Variants in CHTF18 observed in about 807,000 individuals in gnomAD.
CHTF18 encodes chromosome transmission fidelity protein 18 homolog.
A neutral mutation model predicts 113.4 loss-of-function variants in CHTF18; 151 were observed. The ratio of observed to expected loss-of-function variants is 1.33; its 90% CI spans 1.17 to 1.52. The LOEUF is 1.52. Among genes scored for constraint, CHTF18 ranks in the 40% most tolerant of loss-of-function variants. CHTF18 has a pLI of 0.00. For synonymous variants in CHTF18, 916 were observed against 598.8 expected (o/e 1.53, Z -7.74); for missense variants, 1,982 against 1,381.6 (o/e 1.43, Z -6.89).
chr16:793,566 G>C, intron 14 of CHTF18: 2 of 566,016 alleles, frequency 3.5e-6, no homozygotes, highest in South Asian at 2.0e-5. Flanking sequence ...CTCAGCTGCT[G>C]TCCCAGTTGC....
chr16:795,352 A>G lies in CHTF18; in HGVS notation c.2171A>G (p.Gln724Arg). Residue 724 changes from glutamine to arginine, a missense_variant, in exon 16 of 22, where the codon CAG becomes CGG. Transcript: ENST00000262315. ...TPRITFPSSQ[Q>R]EAQNRMSQMR... ...AGGATCACCTTCCCCAGCAGCCAGCAGGAGGTGTGCTCGTCCCTGCACCAC... is the reference window on the plus strand; with the variant it reads ...AGGATCACCTTCCCCAGCAGCCAGCGGGAGGTGTGCTCGTCCCTGCACCAC... 1.3e-6 allele frequency: 2 copies of G among 1,544,744 alleles called. No homozygotes were observed. The highest frequency in any genetic ancestry group is 1.4e-5 in the African/African-American group (1 of 72,032).
In CHTF18 at chr16:789,907, C is replaced by G. The variant is rs187315598; in HGVS notation, c.606+192C>G. The G allele has an allele frequency of 4.8e-5, 69 of 1,437,434 alleles. No homozygotes were observed. The South Asian group carries it at 8.6e-4, about 18-fold the overall frequency. 89.0% of individuals were successfully genotyped at this position (1,437,434 alleles called of 1,614,324 possible). Reference sequence around the variant, plus strand: ...TCCCCACAGCAGGTTGCTGTCCAGCCTGTTTGTATGGCCTCGGGTGGAGAG... The same window carrying G: ...TCCCCACAGCAGGTTGCTGTCCAGCGTGTTTGTATGGCCTCGGGTGGAGAG... On this transcript the variant is annotated intron_variant, in intron 4 of 21. Coordinates refer to ENST00000262315, the MANE Select transcript of CHTF18 (RefSeq NM_022092.3).
chr16:796,146 C>T lies in CHTF18; in HGVS notation c.2456+69C>T, dbSNP rs1484516121. 2.4e-5 allele frequency: 37 copies of T among 1,540,316 alleles called. No homozygotes were observed. The South Asian group carries it at 2.9e-4, about 12-fold the overall frequency. ...CCGGCTGTGCTCCATGTTCAGGGCC[C>T]GCATGGGGCCAGGAGTCTGAAAGCA... On this transcript the variant is annotated intron_variant, in intron 18 of 21. Coordinates refer to ENST00000262315, the MANE Select transcript of CHTF18 (RefSeq NM_022092.3).
At chr16:796,338 G>A (rs774941215) in intron 18 of CHTF18, among the ~76,000 whole-genome samples, 15 of 152,226 alleles carry the variant, frequency 9.9e-5, no homozygotes, top group Non-Finnish European at 1.6e-4. Flanking sequence ...CGGGGGCCCC[G>A]AGAGTGACTG....
At position 792,151 on chromosome 16, in the gene CHTF18, C is replaced by T. The variant is rs2042214122; in HGVS notation, c.1203-73C>T. On this transcript the variant is annotated intron_variant, in intron 9 of 21. Transcript: ENST00000262315. ...TGTGACGGTCTCCACGCAAATGCGG[C>T]AGCCCCGGCCTTGGGAGGCTGCCCT... 7 of 1,525,190 alleles carry T rather than the reference C, an allele frequency of 4.6e-6. No individual in the cohort carries two copies. The South Asian group carries it at 8.6e-5, about 19-fold the overall frequency. 94.5% of individuals were successfully genotyped at this position (1,525,190 alleles called of 1,614,324 possible). A position where few individuals can be genotyped will look rare whatever the true frequency, so the allele number is the denominator to read the frequency against.
intron 20 of CHTF18, 80 bp downstream of exon 20, chr16:797,172 C>T (rs531316216): frequency 2.8e-4 from 397 of 1,420,702 alleles, no homozygotes; most frequent in Non-Finnish European, 3.5e-4. Context: ...GAGGCGGGGC[C>T]AAGGCACCCA....
In CHTF18 at chr16:790,536, G is replaced by T; in HGVS notation, c.764G>T (p.Gly255Val). The T allele has an allele frequency of 6.3e-7, 1 of 1,599,498 alleles. No individual in the cohort carries two copies. The change falls in exon 7 of 22, where the codon GGG becomes GTG. Residue 255 changes from glycine to valine, a missense_variant. Coordinates refer to ENST00000262315, the MANE Select transcript of CHTF18 (RefSeq NM_022092.3). The stretch of plus-strand genomic sequence containing the variant: ...GTGGTCCTCTCCAGTCTCAGGTCGG[G>T]GGAGGAGGAGGCAGCCCAGCCCTTG... ...LSDTLHSLRS[G>V]EEEAAQPLGA...
At chr16:791,588 C>T in intron 8 of CHTF18, 2 of 1,432,086 alleles carry the variant, frequency 1.4e-6, no homozygotes, top group Non-Finnish European at 1.8e-6. Flanking sequence ...CCAGGATGAT[C>T]TGGGTGGACG....
Position 797,747 on chromosome 16 carries a change from T to G in CHTF18, c.2787T>G (p.Ser929Arg). Residue 929 changes from serine (S) to arginine (R), a missense_variant, in exon 21 of 22, where the codon AGT (serine) becomes AGG (arginine). By Grantham distance (110) the Ser-to-Arg change is moderately radical. Coordinates refer to ENST00000262315, the MANE Select transcript of CHTF18 (RefSeq NM_022092.3). ...RVVVRSTAVP[S>R]AGDTAPEQDS... ...TCGTCAGGAGCACAGCAGTCCCGAG[T>G]GCAGGTGTGTGTGGGGGTGTTGTGG... 1 of 1,540,848 alleles carries G rather than the reference T, an allele frequency of 6.5e-7. No individual in the cohort carries two copies. Among genetic ancestry groups the G allele is most frequent in the Admixed American group, 1.9e-5 (1 of 52,074 alleles).
In CHTF18 at chr16:792,996, C is replaced by T; in HGVS notation, c.1603C>T (p.Pro535Ser). 2 of 1,558,510 alleles carry T rather than the reference C, an allele frequency of 1.3e-6. No homozygotes were observed. Among genetic ancestry groups the T allele is most frequent in the Non-Finnish European group, 8.7e-7 (1 of 1,151,598 alleles). The stretch of plus-strand genomic sequence containing the variant: ...CCTGCGGCAGGGCATGAGGGCCGAC[C>T]CAGGGGTGCTGGCCGCCCTCTGTGA... Reference protein sequence around the residue: ...VSLRQGMRADPGVLAALCEKT... With the variant: ...VSLRQGMRADSGVLAALCEKT... Residue 535 changes from proline to serine, a missense_variant, in exon 13 of 22, where the codon CCA becomes TCA. Coordinates refer to ENST00000262315, the MANE Select transcript of CHTF18 (RefSeq NM_022092.3).
At chr16:792,416 C>T (rs768192339) in intron 10 of CHTF18, 23 bp from the exon 11 acceptor site, 16 of 1,560,088 alleles carry the variant, frequency 1.0e-5, no homozygotes, top group South Asian at 4.7e-5. Context: ...CTGGACTCAC[C>T]GTGTCCTCTG....
rs563920295 is a variant in CHTF18, at chr16:788,659, A to T, written c.-26A>T. On this transcript the variant is annotated 5_prime_UTR_variant, in exon 1 of 22. Coordinates refer to ENST00000262315, the MANE Select transcript of CHTF18 (RefSeq NM_022092.3). ...GGCGGCGGCGGCGCGGGAGGTTCGGAGCGGGAGCTCGGGCTCGCGGACGGT... is the reference window on the plus strand; with the variant it reads ...GGCGGCGGCGGCGCGGGAGGTTCGGTGCGGGAGCTCGGGCTCGCGGACGGT... 1 of 1,503,302 alleles carries T rather than the reference A, an allele frequency of 6.7e-7. No homozygotes were observed. The highest frequency in any genetic ancestry group is 2.2e-5 in the Admixed American group (1 of 44,578). The allele number at this position is 1,503,302 out of a possible 1,614,324, so 93.1% of individuals were successfully genotyped here.
At position 788,958 on chromosome 16, in the gene CHTF18, TC is replaced by T; in HGVS notation, c.124del (p.Leu42CysfsTer69). 1.9e-6 allele frequency: 3 copies of T among 1,563,900 alleles called. No homozygotes were observed. Among genetic ancestry groups the T allele is most frequent in the Non-Finnish European group, 8.6e-7 (1 of 1,163,132 alleles). ...EGASTPSPSG[V>X]PLFTAGRPPR... ...GCGTCGACTCCGTCGCCCTCCGGGGTCCCCCTGTTCACCGCGGGCCGACCCC... is the reference window on the plus strand; with the variant it reads ...GCGTCGACTCCGTCGCCCTCCGGGGTCCCCTGTTCACCGCGGGCCGACCCC... On this transcript the variant is annotated frameshift_variant, in exon 2 of 22. Transcript: ENST00000262315. LOFTEE classifies it high-confidence loss of function.
chr16:795,319 A>C lies in CHTF18; in HGVS notation c.2138A>C (p.His713Pro). Residue 713 changes from histidine (H) to proline (P), a missense_variant, in exon 16 of 22, where the codon CAC (histidine) becomes CCC (proline). By Grantham distance (77) the His-to-Pro change is moderately conservative. Transcript: ENST00000262315. ...VAFHVLFASS[H>P]TPRITFPSSQ... is the part of the protein sequence containing the mutation. ...TTCCATGTGCTGTTTGCTTCCAGCC[A>C]CACACCCAGGATCACCTTCCCCAGC... The C allele has an allele frequency of 6.5e-7, 1 of 1,547,100 alleles. No homozygotes were observed. Among genetic ancestry groups the C allele is most frequent in the East Asian group, 2.5e-5 (1 of 40,776 alleles).
In CHTF18 at chr16:790,634, C is replaced by G. The variant is rs951430512; in HGVS notation, c.862C>G (p.Pro288Ala). The G allele has an allele frequency of 2.5e-6, 4 of 1,594,986 alleles. No homozygotes were observed. The Admixed American group carries it at 6.9e-5, about 28-fold the overall frequency. ...SHCLWVDEFA[P>A]RHYTELLSDD... ...CTGCCTCTGGGTGGATGAGTTTGCA[C>G]CCCGCCACTACACGGAGCTGCTCAG... Residue 288 changes from proline (P) to alanine (A), a missense_variant, in exon 7 of 22, where the codon CCC becomes GCC. Pro to Ala is a conservative substitution (Grantham distance 27, BLOSUM62 -1). Transcript: ENST00000262315.
intron 2 of CHTF18, 38 bp from the exon 3 acceptor site, chr16:789,172 T>A: frequency 1.3e-6 from 2 of 1,550,036 alleles, no homozygotes; most frequent in Non-Finnish European, 1.7e-6. Context: ...GGCGCGAGGC[T>A]GAGGAGGCCT....
rs777061042 is a variant in CHTF18 at position 791,112 on chromosome 16, C to G, written c.895-49C>G. 9 of 1,565,476 alleles carry G rather than the reference C, an allele frequency of 5.7e-6. No homozygotes were observed. In the Admixed American group the frequency reaches 1.5e-4, roughly 26 times the overall value. ...ATGGTGGCAGGTGGACTGTCCGTGCCTGGAGGCGGTGCCCTCAGGCTGTGC... is the reference window on the plus strand; with the variant it reads ...ATGGTGGCAGGTGGACTGTCCGTGCGTGGAGGCGGTGCCCTCAGGCTGTGC... On this transcript the variant is annotated intron_variant, in intron 7 of 21. Coordinates refer to ENST00000262315, the MANE Select transcript of CHTF18 (RefSeq NM_022092.3).
At chr16:796,637 T>A in intron 18 of CHTF18, 80 bp from the exon 19 acceptor site, 1 of 1,438,648 alleles carries the variant, frequency 7.0e-7, no homozygotes, top group Middle Eastern at 2.1e-4. Context: ...TTTTGGGGTT[T>A]GCGGTTGGAG....
At chr16:794,007 C>T (rs757086518) in intron 14 of CHTF18, 47 bp from the exon 15 acceptor site, 5 of 1,584,256 alleles carry the variant, frequency 3.2e-6, no homozygotes, top group Middle Eastern at 2.3e-4. Flanking sequence ...GTGGGGCTGC[C>T]TGTGCTTTTA....
Sources: gnomAD v4.1 joint callset for allele counts (sites outside exome capture counted in the v4.1 genomes callset) on GRCh38, gnomAD v4.1.1 for gene constraint, MANE v1.5 for transcripts, NCBI Gene and HGNC (gene_info 2026-07-23, HGNC 2026-07-21) for gene names.